FRMD4A: variants seen among roughly 807,000 people sequenced by gnomAD.
FRMD4A encodes FERM domain containing 4A.
Under a neutral mutation model 129.1 loss-of-function variants are expected in FRMD4A, and 29 were observed. The ratio of observed to expected loss-of-function variants is 0.22; its 90% CI spans 0.17 to 0.31. The LOEUF is 0.31. Among genes scored for constraint, FRMD4A ranks in the 10% least tolerant of loss-of-function variants. The pLI, the probability that FRMD4A is intolerant of heterozygous loss-of-function variation, is 1.00. For synonymous variants in FRMD4A, 634 were observed against 571.6 expected (o/e 1.11, Z -1.56); for missense variants, 1,272 against 1,375.8 (o/e 0.92, Z 1.19).
At chr10:13,715,077 G>A (rs562226947) in intron 12 of FRMD4A, among the ~76,000 whole-genome samples, 1 of 151,894 alleles carries the variant, frequency 6.6e-6, no homozygotes. Context: ...GAAGTGCCGC[G>A]CTGCCTCATT....
intron 2 of FRMD4A, among the ~76,000 whole-genome samples, chr10:13,942,349 A>C (rs1182375414): frequency 6.6e-6 from 1 of 152,166 alleles, no homozygotes; most frequent in East Asian, 1.9e-4. Flanking sequence ...GCGAACCTGC[A>C]ATGGGGGCTG....
chr10:13,749,025 T>TA (rs1162689183), intron 8 of FRMD4A, among the ~76,000 whole-genome samples: 1 of 152,178 alleles, frequency 6.6e-6, no homozygotes, highest in Admixed American at 6.5e-5. Flanking sequence ...GACTCCTCCT[T>TA]ACACACTCAG....
At chr10:13,712,507 C>A (rs1589496398) in intron 12 of FRMD4A, among the ~76,000 whole-genome samples, 1 of 150,998 alleles carries the variant, frequency 6.6e-6, no homozygotes, top group East Asian at 1.9e-4. Context: ...CAGTGAGACT[C>A]CATTTCAAAA....
At chr10:13,986,085 C>T (rs2095580146) in intron 2 of FRMD4A, among the ~76,000 whole-genome samples, 1 of 152,158 alleles carries the variant, frequency 6.6e-6, no homozygotes, top group East Asian at 1.9e-4. Flanking sequence ...CTTCCACAGG[C>T]GTAGACATTA....
chr10:14,254,292 T>C (rs564258474), intron 2 of FRMD4A, among the ~76,000 whole-genome samples: 1 of 152,376 alleles, frequency 6.6e-6, no homozygotes, highest in East Asian at 1.9e-4. Flanking sequence ...TTTCTCCGGT[T>C]CTGTATGCAT....
At chr10:13,831,892 AC>A (rs1236741414) in intron 3 of FRMD4A, among the ~76,000 whole-genome samples, 1 of 151,504 alleles carries the variant, frequency 6.6e-6, no homozygotes, top group African/African-American at 2.4e-5. Context: ...TGCTGGGTGG[AC>A]TCCTGCCTCT....
chr10:13,773,273 C>G (rs961088936), intron 6 of FRMD4A, among the ~76,000 whole-genome samples: 1 of 152,138 alleles, frequency 6.6e-6, no homozygotes, highest in Non-Finnish European at 1.5e-5. Context: ...CCGACCTGCC[C>G]TTCTCCTTTT....
intron 2 of FRMD4A, among the ~76,000 whole-genome samples, chr10:14,185,845 G>A (rs1187146584): frequency 1.3e-5 from 2 of 152,092 alleles, no homozygotes; most frequent in Admixed American, 6.5e-5. Context: ...AGACAGCCAT[G>A]GCCAGGTTTC....
chr10:13,727,400 CA>C (rs1250691992), intron 12 of FRMD4A, among the ~76,000 whole-genome samples: 2 of 152,170 alleles, frequency 1.3e-5, no homozygotes, highest in African/African-American at 2.4e-5. Flanking sequence ...ACCCTCTTGC[CA>C]AGGGGGTCAC....
chr10:13,668,630 G>A (rs982400573), intron 17 of FRMD4A, among the ~76,000 whole-genome samples: 3 of 152,160 alleles, frequency 2.0e-5, no homozygotes, highest in African/African-American at 7.2e-5. Flanking sequence ...CATGGCTAGG[G>A]CATTCTCAGG....
At chr10:13,914,811 CA>C (rs1301302956) in intron 2 of FRMD4A, among the ~76,000 whole-genome samples, 1 of 152,026 alleles carries the variant, frequency 6.6e-6, no homozygotes, top group Non-Finnish European at 1.5e-5. Context: ...GTATATGAAA[CA>C]AACCACAAGA....
intron 3 of FRMD4A, among the ~76,000 whole-genome samples, chr10:13,820,356 G>A (rs901776191): frequency 6.6e-6 from 1 of 151,120 alleles, no homozygotes. Flanking sequence ...CATTGACATT[G>A]GTGTTCTCTC....
rs1160843899 is a variant in FRMD4A, at chr10:13,796,519, G to A, written c.276C>T (p.Pro92=). The change falls in exon 5 of 25, where the codon CCC becomes CCT. Residue 92 remains proline (P), a synonymous_variant. Transcript: ENST00000357447. ...ACCTGACACAAAAGTATAAAACCAC[G>A]GGTCCTGACTTTTTAGGGAAGTCAT... ...LEHDFPKKSG[P]VVLYFCVRFY... is the part of the protein sequence containing the mutation. 20 of 1,583,636 alleles carry A rather than the reference G, an allele frequency of 1.3e-5. No individual in the cohort carries two copies. Among genetic ancestry groups the A allele is most frequent in the Admixed American group, 1.7e-5 (1 of 59,950 alleles).
chr10:13,780,187 C>T (rs1016324873), intron 6 of FRMD4A, among the ~76,000 whole-genome samples: 4 of 151,988 alleles, frequency 2.6e-5, no homozygotes, highest in Admixed American at 1.3e-4. Context: ...ACTAGCCAAG[C>T]GTGGTGGTGC....
chr10:14,318,450 C>G (rs1359183358), intron 2 of FRMD4A, among the ~76,000 whole-genome samples: 1 of 151,550 alleles, frequency 6.6e-6, no homozygotes, highest in Non-Finnish European at 1.5e-5. Context: ...TCAATAAGAA[C>G]TGAATTTGGG....
chr10:14,157,535 A>T (rs1323006588), intron 2 of FRMD4A, among the ~76,000 whole-genome samples: 1 of 152,172 alleles, frequency 6.6e-6, no homozygotes, highest in African/African-American at 2.4e-5. Flanking sequence ...TGATGCACTG[A>T]TCACGGTGAC....
At chr10:13,961,245 G>A (rs1344434824) in intron 2 of FRMD4A, among the ~76,000 whole-genome samples, 1 of 152,104 alleles carries the variant, frequency 6.6e-6, no homozygotes, top group Non-Finnish European at 1.5e-5. Flanking sequence ...TTTTTCAAAG[G>A]GAGTTAACAC....
chr10:14,306,324 C>T (rs1033428337), intron 2 of FRMD4A, among the ~76,000 whole-genome samples: 3 of 152,174 alleles, frequency 2.0e-5, no homozygotes, highest in East Asian at 1.9e-4. Flanking sequence ...AACGGTGAAA[C>T]GCCTGTTCCC....
intron 3 of FRMD4A, among the ~76,000 whole-genome samples, chr10:13,848,578 A>G (rs2094089651): frequency 6.6e-6 from 1 of 150,922 alleles, no homozygotes; most frequent in Non-Finnish European, 1.5e-5. Context: ...CCTCTCCTCA[A>G]CCAGCACCTG....
Sources: gnomAD v4.1 joint callset for allele counts (sites outside exome capture counted in the v4.1 genomes callset) on GRCh38, gnomAD v4.1.1 for gene constraint, MANE v1.5 for transcripts, NCBI Gene and HGNC (gene_info 2026-07-23, HGNC 2026-07-21) for gene names.